ADAMTS17: variants seen among roughly 807,000 people sequenced by gnomAD.
ADAMTS17 encodes the protein A disintegrin and metalloproteinase with thrombospondin motifs 17.
Under a neutral mutation model 141.5 loss-of-function variants are expected in ADAMTS17, and 113 were observed. The ratio of observed to expected loss-of-function variants is 0.80; its 90% CI spans 0.69 to 0.93. ADAMTS17 has a LOEUF of 0.93. Ranked by LOEUF, ADAMTS17 falls within the 40% of genes least tolerant of loss-of-function variation. The pLI is 0.00. For missense variants in ADAMTS17, 1,659 were observed against 1,517.9 expected (o/e 1.09, Z -1.54); for synonymous variants, 768 against 630.6 (o/e 1.22, Z -3.27).
Position 100,038,398 on chromosome 15 carries a change from G to T in ADAMTS17, c.2591+10459C>A, listed in dbSNP as rs183272542. Among the ~76,000 whole-genome samples, 127 of 152,292 alleles carry T rather than the reference G, an allele frequency of 8.3e-4. 2 individuals carry two copies. Among genetic ancestry groups the T allele is most frequent in the African/African-American group, 2.9e-3 (120 of 41,574 alleles). On this transcript the variant is annotated intron_variant, in intron 18 of 21. Coordinates refer to ENST00000268070, the MANE Select transcript of ADAMTS17 (RefSeq NM_139057.4). Reference sequence around the variant, plus strand: ...TTTTAGCGACATGTCCCCATTTGTGGAAGAAAGATGGCTTAAATTTTGATA... The same window carrying T: ...TTTTAGCGACATGTCCCCATTTGTGTAAGAAAGATGGCTTAAATTTTGATA...
At chr15:100,180,961 G>A in intron 8 of ADAMTS17, among the ~76,000 whole-genome samples, 1 of 152,164 alleles carries the variant, frequency 6.6e-6, no homozygotes. Flanking sequence ...GCCAGGCACT[G>A]GAGTCAAAAC....
In ADAMTS17 at chr15:100,120,814, A is replaced by G. The variant is rs113348029; in HGVS notation, c.1722-3801T>C. ...ATGTCTAGTTTTTAATGAAAACATCACAAGGCATACAAAGAAACAGAAAGT... is the reference window on the plus strand; with the variant it reads ...ATGTCTAGTTTTTAATGAAAACATCGCAAGGCATACAAAGAAACAGAAAGT... On this transcript the variant is annotated intron_variant, in intron 12 of 21. Coordinates refer to ENST00000268070, the MANE Select transcript of ADAMTS17 (RefSeq NM_139057.4). Among the ~76,000 whole-genome samples, 1,181 of 152,368 alleles carry G rather than the reference A, an allele frequency of 7.8e-3. 16 individuals carry two copies. Among genetic ancestry groups the G allele is most frequent in the African/African-American group, 0.027 (1,104 of 41,590 alleles).
At chr15:100,105,875 A>G (rs2036385882) in intron 14 of ADAMTS17, among the ~76,000 whole-genome samples, 1 of 152,158 alleles carries the variant, frequency 6.6e-6, no homozygotes, top group Admixed American at 6.5e-5. Flanking sequence ...TTTTTAGTAC[A>G]GATGGAGTTT....
intron 15 of ADAMTS17, among the ~76,000 whole-genome samples, chr15:100,057,111 A>G (rs2032645169): frequency 6.6e-6 from 1 of 152,090 alleles, no homozygotes; most frequent in South Asian, 2.1e-4. Flanking sequence ...AGGACTGCTA[A>G]GATCAGTTCT....
In ADAMTS17 at chr15:99,974,183, C is replaced by T; in HGVS notation, c.*219G>A. 1.7e-6 allele frequency: 1 copy of T among 603,642 alleles called. No individual in the cohort carries two copies. The highest frequency in any genetic ancestry group is 2.8e-5 in the East Asian group (1 of 35,174). The allele number at this position is 603,642 out of a possible 1,614,324, so 37.4% of individuals were successfully genotyped here. A position where few individuals can be genotyped will look rare whatever the true frequency, so the allele number is the denominator to read the frequency against. ...TAGAAATTGAAGTTACTTTGTGACT[C>T]ATGCCTACTTTCTCCTCACTGTAGA... On this transcript the variant is annotated 3_prime_UTR_variant, in exon 22 of 22. Coordinates refer to ENST00000268070, the MANE Select transcript of ADAMTS17 (RefSeq NM_139057.4).
At chr15:100,317,716 C>T (rs965049767) in intron 3 of ADAMTS17, among the ~76,000 whole-genome samples, 1 of 152,196 alleles carries the variant, frequency 6.6e-6, no homozygotes, top group South Asian at 2.1e-4. Context: ...ATAGTAAGTG[C>T]TTGCTCTGCT....
intron 3 of ADAMTS17, among the ~76,000 whole-genome samples, chr15:100,290,110 A>T (rs918629955): frequency 6.6e-6 from 1 of 152,040 alleles, no homozygotes; most frequent in Non-Finnish European, 1.5e-5. Flanking sequence ...TACAACTAGA[A>T]ATCCCATAAT....
chr15:100,271,528 T>C (rs1375871993), intron 4 of ADAMTS17, among the ~76,000 whole-genome samples: 1 of 142,544 alleles, frequency 7.0e-6, no homozygotes, highest in African/African-American at 2.6e-5. Context: ...TGGCTATTTG[T>C]ACATCTTCTT....
At chr15:100,055,610 G>C (rs955421516) in intron 15 of ADAMTS17, among the ~76,000 whole-genome samples, 2 of 152,152 alleles carry the variant, frequency 1.3e-5, no homozygotes, top group African/African-American at 4.8e-5. Context: ...TCCAGGGACA[G>C]CTTAGGAAAG....
intron 18 of ADAMTS17, among the ~76,000 whole-genome samples, chr15:100,002,229 C>T (rs902967060): frequency 6.6e-5 from 10 of 151,952 alleles, no homozygotes; most frequent in African/African-American, 1.7e-4. Context: ...TGAATAAAGA[C>T]GTCAGGCTTT....
At chr15:100,137,071 C>T (rs2038372214) in intron 10 of ADAMTS17, among the ~76,000 whole-genome samples, 1 of 152,194 alleles carries the variant, frequency 6.6e-6, no homozygotes, top group Non-Finnish European at 1.5e-5. Flanking sequence ...GATTTTTGAA[C>T]TTACAAGTAG....
intron 18 of ADAMTS17, among the ~76,000 whole-genome samples, chr15:100,005,517 G>A (rs2061020970): frequency 6.6e-6 from 1 of 152,030 alleles, no homozygotes; most frequent in Non-Finnish European, 1.5e-5. Context: ...AGCAGTGGTG[G>A]GGGAGTGTTT....
chr15:100,236,205 T>C (rs531212206), intron 7 of ADAMTS17, among the ~76,000 whole-genome samples: 114 of 151,130 alleles, frequency 7.5e-4, no homozygotes, highest in Non-Finnish European at 1.3e-3. Context: ...ATGTCTACGA[T>C]ATTTGCACAA....
intron 20 of ADAMTS17, among the ~76,000 whole-genome samples, chr15:99,982,092 ACT>A (rs2060492334): frequency 6.6e-6 from 1 of 151,994 alleles, no homozygotes; most frequent in Non-Finnish European, 1.5e-5. Context: ...AGGATAACAA[ACT>A]CTTGTTTGTA....
At chr15:100,339,250 T>C in intron 2 of ADAMTS17, 3 of 769,926 alleles carry the variant, frequency 3.9e-6, no homozygotes, top group Non-Finnish European at 3.2e-6. Flanking sequence ...GGCCCAGCCC[T>C]CATTCTGCAA....
At chr15:100,199,546 G>A (rs374743972) in intron 7 of ADAMTS17, 123 bp from the exon 8 acceptor site, 9 of 826,688 alleles carry the variant, frequency 1.1e-5, no homozygotes, top group East Asian at 4.8e-5. Flanking sequence ...TGGTGACTAT[G>A]AGCCTCAGCC....
intron 3 of ADAMTS17, among the ~76,000 whole-genome samples, chr15:100,318,353 C>T (rs1471086243): frequency 6.6e-6 from 1 of 151,934 alleles, no homozygotes; most frequent in East Asian, 1.9e-4. Flanking sequence ...GAGACCTAAC[C>T]TACAATGTGA....
At chr15:100,312,727 G>A (rs2045443136) in intron 3 of ADAMTS17, among the ~76,000 whole-genome samples, 1 of 152,116 alleles carries the variant, frequency 6.6e-6, no homozygotes, top group African/African-American at 2.4e-5. Context: ...CATCCAAATT[G>A]GGCCTCCAAA....
At chr15:100,180,598 T>C (rs1042599630) in intron 8 of ADAMTS17, among the ~76,000 whole-genome samples, 9 of 152,218 alleles carry the variant, frequency 5.9e-5, no homozygotes, top group Admixed American at 2.0e-4. Flanking sequence ...AATCTGTAGA[T>C]TGCTTTGGGT....
Sources: allele counts gnomAD v4.1 joint callset (sites outside exome capture counted in the v4.1 genomes callset), GRCh38; gene constraint gnomAD v4.1.1; transcripts MANE v1.5; gene names NCBI Gene and HGNC (gene_info 2026-07-23, HGNC 2026-07-21).